NTN1: variants seen among roughly 807,000 people sequenced by gnomAD.
The protein encoded by NTN1 is netrin 1, also known as netrin-1.
In NTN1, 11 loss-of-function variants were observed where a neutral mutation model predicts 54.2. That is an observed-to-expected ratio of 0.20 (90% CI 0.13 to 0.34). NTN1 has a LOEUF of 0.34. Among genes scored for constraint, NTN1 ranks in the 10% least tolerant of loss-of-function variants. The pLI is 1.00. For synonymous variants in NTN1, 371 were observed against 382.0 expected, an observed-to-expected ratio of 0.97 and a Z score of 0.33; for missense variants, 740 against 893.1, an observed-to-expected ratio of 0.83 and a Z score of 2.18.
At chr17:9,136,281 G>T (rs2092281074) in intron 2 of NTN1, among the ~76,000 whole-genome samples, 1 of 152,344 alleles carries the variant, frequency 6.6e-6, no homozygotes, top group African/African-American at 2.4e-5. Flanking sequence ...GTTAAGAAAA[G>T]AGTATAGTGT....
chr17:9,194,537 G>A (rs753724734), intron 5 of NTN1, among the ~76,000 whole-genome samples: 1 of 152,194 alleles, frequency 6.6e-6, no homozygotes, highest in African/African-American at 2.4e-5. Context: ...CTGTCGACCT[G>A]GGGGCTGGAG....
intron 3 of NTN1, 116 bp from the exon 4 acceptor site, chr17:9,179,691 C>A (rs978467666): frequency 7.7e-7 from 1 of 1,306,758 alleles, no homozygotes; most frequent in Middle Eastern, 2.3e-4. Context: ...TGCTCCCCAT[C>A]GCTGCTCTTC....
At chr17:9,138,525 C>G (rs1286189286) in intron 2 of NTN1, among the ~76,000 whole-genome samples, 1 of 152,188 alleles carries the variant, frequency 6.6e-6, no homozygotes, top group African/African-American at 2.4e-5. Flanking sequence ...ACACTGTCAC[C>G]AAGTGCCCTG....
At chr17:9,231,431 C>A (rs767101457) in intron 6 of NTN1, among the ~76,000 whole-genome samples, 18 of 152,244 alleles carry the variant, frequency 1.2e-4, no homozygotes, top group Non-Finnish European at 1.8e-4. Context: ...GTCTCAGCTC[C>A]TTCCTTCAGG....
intron 5 of NTN1, among the ~76,000 whole-genome samples, chr17:9,210,502 C>T (rs1905076792): frequency 6.6e-6 from 1 of 152,084 alleles, no homozygotes; most frequent in East Asian, 1.9e-4. Flanking sequence ...GGTAGCACTT[C>T]TCCACAGCAG....
chr17:9,032,297 C>T (rs1035745437), intron 2 of NTN1, among the ~76,000 whole-genome samples: 1 of 152,228 alleles, frequency 6.6e-6, no homozygotes, highest in East Asian at 1.9e-4. Flanking sequence ...ATTTGAGAGA[C>T]CATGGTTCCC....
intron 5 of NTN1, among the ~76,000 whole-genome samples, chr17:9,204,716 T>C (rs1904923373): frequency 6.6e-6 from 1 of 152,184 alleles, no homozygotes; most frequent in African/African-American, 2.4e-5. Context: ...ACCCTTCACA[T>C]ACCAGGCAGA....
intron 2 of NTN1, among the ~76,000 whole-genome samples, chr17:9,063,102 C>CTT (rs561140679): frequency 0.044 from 6,396 of 145,846 alleles, 435 homozygotes; most frequent in African/African-American, 0.14. Context: ...TCATTAATGA[C>CTT]TTTTTTTTTT....
chr17:9,020,214 C>T (rs1357404837), upstream of NTN1, among the ~76,000 whole-genome samples: 3 of 152,232 alleles, frequency 2.0e-5, no homozygotes, highest in Non-Finnish European at 4.4e-5. Flanking sequence ...GCAAGGCAGC[C>T]CTTGGGCCGG....
chr17:9,191,633 A>G (rs1567734121), intron 5 of NTN1, among the ~76,000 whole-genome samples: 1 of 152,176 alleles, frequency 6.6e-6, no homozygotes, highest in African/African-American at 2.4e-5. Context: ...AAATCAGGCT[A>G]AAAAAGTGAA....
chr17:9,194,469 G>A (rs1455162257), intron 5 of NTN1, among the ~76,000 whole-genome samples: 4 of 152,170 alleles, frequency 2.6e-5, no homozygotes, highest in Non-Finnish European at 5.9e-5. Flanking sequence ...GTGTGGAAAC[G>A]GAAAGACATT....
chr17:9,189,597 ACCT>A (rs1904396846), intron 5 of NTN1, among the ~76,000 whole-genome samples: 1 of 151,878 alleles, frequency 6.6e-6, no homozygotes, highest in Non-Finnish European at 1.5e-5. Flanking sequence ...TGATCTGCCC[ACCT>A]CAGCCTCTCA....
chr17:9,060,801 C>T (rs751003472), intron 2 of NTN1, among the ~76,000 whole-genome samples: 18 of 152,054 alleles, frequency 1.2e-4, no homozygotes, highest in East Asian at 3.9e-4. Context: ...CATGGTGAAA[C>T]GCCATCTCTA....
intron 2 of NTN1, among the ~76,000 whole-genome samples, chr17:9,138,237 G>A (rs1441784004): frequency 6.6e-6 from 1 of 152,158 alleles, no homozygotes; most frequent in Non-Finnish European, 1.5e-5. Context: ...TCCCCAAATT[G>A]CTCATTATTT....
intron 6 of NTN1, among the ~76,000 whole-genome samples, chr17:9,224,567 G>C (rs932981372): frequency 2.6e-5 from 4 of 152,206 alleles, no homozygotes; most frequent in African/African-American, 9.6e-5. Flanking sequence ...GACTTGCCCA[G>C]TTACCCAGCC....
intron 2 of NTN1, among the ~76,000 whole-genome samples, chr17:9,162,538 G>T (rs2092359838): frequency 6.6e-6 from 1 of 152,224 alleles, no homozygotes; most frequent in African/African-American, 2.4e-5. Flanking sequence ...TTAAGACTCT[G>T]TCTCCAAATA....
chr17:9,158,606 A>G (rs2092349707), intron 2 of NTN1, among the ~76,000 whole-genome samples: 1 of 152,228 alleles, frequency 6.6e-6, no homozygotes, highest in Non-Finnish European at 1.5e-5. Context: ...ACCAGGAGCC[A>G]GAAGGGTAGG....
chr17:9,018,028 G>T (rs2091835344), upstream of NTN1, among the ~76,000 whole-genome samples: 1 of 152,184 alleles, frequency 6.6e-6, no homozygotes, highest in African/African-American at 2.4e-5. Flanking sequence ...GATCTGGGCT[G>T]CTGTGTAGCG....
At chr17:9,150,770 G>A (rs973219559) in intron 2 of NTN1, among the ~76,000 whole-genome samples, 8 of 152,058 alleles carry the variant, frequency 5.3e-5, no homozygotes, top group African/African-American at 1.9e-4. Flanking sequence ...GAAGAGAAAA[G>A]GCTAAGATGT....
Sources: gnomAD v4.1 joint callset for allele counts (sites outside exome capture counted in the v4.1 genomes callset) on GRCh38, gnomAD v4.1.1 for gene constraint, MANE v1.5 for transcripts, NCBI Gene and HGNC (gene_info 2026-07-23, HGNC 2026-07-21) for gene names.